Variants in NTNG1 observed in about 807,000 individuals in gnomAD.
NTNG1 encodes the protein netrin G1, also known as netrin-G1.
Under a neutral mutation model 54.0 loss-of-function variants are expected in NTNG1, and 16 were observed. The observed-to-expected ratio is 0.30, with a 90% CI of 0.20 to 0.45. NTNG1 has a LOEUF of 0.45. Among genes scored for constraint, NTNG1 ranks in the 20% least tolerant of loss-of-function variants. The pLI is 1.00. For missense variants in NTNG1, 530 were observed against 678.7 expected, an observed-to-expected ratio of 0.78 and a Z score of 2.43; for synonymous variants, 255 against 263.1, an observed-to-expected ratio of 0.97 and a Z score of 0.30.
chr1:107,473,506 G>A (rs1242053263), intron 7 of NTNG1, among the ~76,000 whole-genome samples: 1 of 152,184 alleles, frequency 6.6e-6, no homozygotes, highest in Non-Finnish European at 1.5e-5. Context: ...AGAGGGGAAA[G>A]GAATCAAGGT....
At chr1:107,448,395 A>T (rs1570983057) in intron 7 of NTNG1, among the ~76,000 whole-genome samples, 1 of 152,206 alleles carries the variant, frequency 6.6e-6, no homozygotes, top group African/African-American at 2.4e-5. Flanking sequence ...AGGCCCAGAG[A>T]GGCTTAAGTA....
upstream of NTNG1, chr1:107,140,987 G>C (rs1233515875): frequency 8.5e-5 from 13 of 152,380 alleles, no homozygotes; most frequent in Admixed American, 8.5e-4. Flanking sequence ...CTTCCTCTCC[G>C]CCCACCCTTA....
intron 5 of NTNG1, 183 bp from the exon 6 acceptor site, chr1:107,430,567 T>C: frequency 1.3e-6 from 1 of 751,056 alleles, no homozygotes; most frequent in Non-Finnish European, 2.4e-6. Context: ...CTATCCTGCT[T>C]GAAACAGATG....
At chr1:107,221,140 G>A (rs116204777) in intron 2 of NTNG1, among the ~76,000 whole-genome samples, 2,755 of 152,034 alleles carry the variant, frequency 0.018, 45 homozygotes, top group Non-Finnish European at 0.027. Context: ...CTATTTTTAG[G>A]TTAAACAACA....
At chr1:107,435,689 G>C (rs1004378520) in intron 6 of NTNG1, among the ~76,000 whole-genome samples, 1 of 152,044 alleles carries the variant, frequency 6.6e-6, no homozygotes, top group Non-Finnish European at 1.5e-5. Context: ...GTTTTATTTG[G>C]TTTTTCATGA....
At chr1:107,417,553 C>T (rs752625444) in intron 5 of NTNG1, among the ~76,000 whole-genome samples, 1 of 152,028 alleles carries the variant, frequency 6.6e-6, no homozygotes, top group African/African-American at 2.4e-5. Flanking sequence ...GATGAGAAAT[C>T]GACCTATACA....
intron 2 of NTNG1, among the ~76,000 whole-genome samples, chr1:107,311,882 GA>G (rs1444331045): frequency 1.3e-5 from 2 of 152,112 alleles, no homozygotes; most frequent in East Asian, 3.9e-4. Flanking sequence ...ACCGACTTAT[GA>G]GGTGTGAACA....
intron 7 of NTNG1, 36 bp from the exon 8 acceptor site, chr1:107,480,575 C>CCCCCCCCCCCCCCCCA: frequency 2.0e-6 from 1 of 512,238 alleles, no homozygotes; most frequent in Non-Finnish European, 3.8e-6. Flanking sequence ...CTCCTCCCCG[C>CCCCCCCCCCCCCCCCA]GCCCACCCAC....
At chr1:107,285,014 C>CAAAA (rs1665100045) in intron 2 of NTNG1, among the ~76,000 whole-genome samples, 2 of 152,008 alleles carry the variant, frequency 1.3e-5, no homozygotes, top group African/African-American at 4.8e-5. Flanking sequence ...TTGTCAATCA[C>CAAAA]ATGTATAAAA....
At chr1:107,164,270 A>G (rs530514314) in intron 2 of NTNG1, among the ~76,000 whole-genome samples, 2 of 152,336 alleles carry the variant, frequency 1.3e-5, no homozygotes, top group Non-Finnish European at 2.9e-5. Context: ...AGCCTGGCCA[A>G]CAGTGCCTGC....
At chr1:107,283,764 C>G (rs1665017959) in intron 2 of NTNG1, among the ~76,000 whole-genome samples, 1 of 152,086 alleles carries the variant, frequency 6.6e-6, no homozygotes, top group Non-Finnish European at 1.5e-5. Context: ...ATGGTGGATC[C>G]CTATGGCATA....
intron 7 of NTNG1, among the ~76,000 whole-genome samples, chr1:107,439,413 G>C (rs191324808): frequency 2.2e-4 from 34 of 152,044 alleles, no homozygotes; most frequent in African/African-American, 8.2e-4. Flanking sequence ...TGTCAGGGAG[G>C]AAAATCGGAA....
chr1:107,306,514 G>C (rs1204452706), intron 2 of NTNG1, among the ~76,000 whole-genome samples: 2 of 152,198 alleles, frequency 1.3e-5, no homozygotes, highest in Non-Finnish European at 2.9e-5. Flanking sequence ...ACTTTGGGAG[G>C]CCAAGGCAGG....
At chr1:107,430,380 G>T (rs2101325051) in intron 5 of NTNG1, among the ~76,000 whole-genome samples, 1 of 152,132 alleles carries the variant, frequency 6.6e-6, no homozygotes, top group Admixed American at 6.6e-5. Context: ...GAAAACAAGG[G>T]AAATGGTGCA....
intron 2 of NTNG1, among the ~76,000 whole-genome samples, chr1:107,180,261 T>A (rs1557785688): frequency 6.6e-6 from 1 of 152,198 alleles, no homozygotes; most frequent in Non-Finnish European, 1.5e-5. Context: ...TTTTACTTAG[T>A]AAGCATAATA....
Position 107,298,378 on chromosome 1 carries a change from C to G in NTNG1, c.247-25904C>G, listed in dbSNP as rs183136887. On this transcript the variant is annotated intron_variant, in intron 2 of 7. Coordinates refer to ENST00000370068, the MANE Select transcript of NTNG1 (RefSeq NM_001113226.3). ...AGTTCTCATCTGCACTATCATAGACCTTAAGACAACGAAGCAACTCTAGTA... is the reference window on the plus strand; with the variant it reads ...AGTTCTCATCTGCACTATCATAGACGTTAAGACAACGAAGCAACTCTAGTA... Among the ~76,000 whole-genome samples the G allele has an allele frequency of 1.2e-4, 19 of 152,148 alleles. No homozygotes were observed. The East Asian group carries it at 3.7e-3, about 29-fold the overall frequency.
At chr1:107,394,452 C>A (rs1179534040) in intron 3 of NTNG1, among the ~76,000 whole-genome samples, 1 of 151,822 alleles carries the variant, frequency 6.6e-6, no homozygotes, top group Admixed American at 6.6e-5. Flanking sequence ...CTTTAGGATT[C>A]TAGGCATTTT....
chr1:107,246,064 G>A (rs947877364), intron 2 of NTNG1, among the ~76,000 whole-genome samples: 4 of 151,942 alleles, frequency 2.6e-5, no homozygotes, highest in Non-Finnish European at 4.4e-5. Context: ...GTTTTGTTTT[G>A]TTTTGGAGAC....
Position 107,483,581 on chromosome 1 carries a change from C to G in NTNG1, c.*2741C>G, listed in dbSNP as rs926795078. On this transcript the variant is annotated 3_prime_UTR_variant, in exon 8 of 8. Transcript: ENST00000370068. ...GATTCATCTGTTACTTTCCAGCATTCTTACAAAGCTGGTTTCATCTACAAT... is the reference window on the plus strand; with the variant it reads ...GATTCATCTGTTACTTTCCAGCATTGTTACAAAGCTGGTTTCATCTACAAT... The G allele has an allele frequency of 1.3e-5, 2 of 152,216 alleles. No individual in the cohort carries two copies. Among genetic ancestry groups the G allele is most frequent in the Admixed American group, 1.3e-4 (2 of 15,278 alleles). 9.4% of individuals were successfully genotyped at this position (152,216 alleles called of 1,614,324 possible).
Sources: allele counts gnomAD v4.1 joint callset (sites outside exome capture counted in the v4.1 genomes callset), GRCh38; gene constraint gnomAD v4.1.1; transcripts MANE v1.5; gene names NCBI Gene and HGNC (gene_info 2026-07-23, HGNC 2026-07-21).